The following CCDC7 variants were observed in gnomAD, a reference collection of about 807,000 sequenced individuals.
CCDC7 encodes coiled-coil domain-containing protein 7.
In CCDC7, 183 loss-of-function variants were observed where a neutral mutation model predicts 196.9. The observed-to-expected ratio is 0.93, with a 90% CI of 0.82 to 1.05. The LOEUF is 1.05. Among genes scored for constraint, CCDC7 ranks in the 50% least tolerant of loss-of-function variants. The probability of loss-of-function intolerance (pLI) is 0.00; values close to 1 mark genes in which losing one functional copy is unlikely to be tolerated. For missense variants in CCDC7, 1,540 were observed against 1,482.2 expected, an observed-to-expected ratio of 1.04 and a Z score of -0.64; for synonymous variants, 525 against 484.6, an observed-to-expected ratio of 1.08 and a Z score of -1.10.
Position 32,672,427 on chromosome 10 carries a change from T to C in CCDC7, c.2122+8266T>C, listed in dbSNP as rs147749477. Among the ~76,000 whole-genome samples, 132 of 152,226 alleles carry C rather than the reference T, an allele frequency of 8.7e-4. 1 individual carries two copies. Among genetic ancestry groups the C allele is most frequent in the African/African-American group, 2.9e-3 (120 of 41,552 alleles). Reference sequence around the variant, plus strand: ...GTCTGAGGTGTGGGTGGGTTCAATGTAGACACAAAACCCAGGTCTGGAATG... The same window carrying C: ...GTCTGAGGTGTGGGTGGGTTCAATGCAGACACAAAACCCAGGTCTGGAATG... On this transcript the variant is annotated intron_variant, in intron 21 of 41. Coordinates refer to ENST00000639629, the Ensembl canonical transcript of CCDC7.
intron 1 of CCDC7, among the ~76,000 whole-genome samples, chr10:32,453,079 C>T (rs969218622): frequency 2.0e-4 from 30 of 152,078 alleles, no homozygotes; most frequent in East Asian, 9.6e-4. Flanking sequence ...CAGGCCCTCT[C>T]CGTTTTAAGA....
chr10:32,570,987 C>CACTTTTA (rs1437164104), intron 15 of CCDC7, among the ~76,000 whole-genome samples: 1 of 146,606 alleles, frequency 6.8e-6, no homozygotes, highest in Admixed American at 7.1e-5. Context: ...ATAAAAATCA[C>CACTTTTA]ACTTTTAAGG....
chr10:32,718,341 C>G (rs938708670), intron 25 of CCDC7, among the ~76,000 whole-genome samples: 2 of 151,782 alleles, frequency 1.3e-5, no homozygotes, highest in African/African-American at 4.8e-5. Flanking sequence ...GGTAAAAACA[C>G]TCAATAAACT....
chr10:32,544,260 GAA>G lies in CCDC7; in HGVS notation c.1097_1098del (p.Lys366ArgfsTer3). ...TTTATGTTACAGGAAGATGTCTCCA[GAA>G]AAAGAGTTTAAAATAAAAGAAGATT... On this transcript the variant is annotated frameshift_variant, in exon 13 of 42. Transcript: ENST00000639629. LOFTEE classifies it high-confidence loss of function. The G allele has an allele frequency of 6.2e-7, 1 of 1,606,242 alleles. No individual in the cohort carries two copies. Among genetic ancestry groups the G allele is most frequent in the Non-Finnish European group, 8.5e-7 (1 of 1,176,056 alleles).
chr10:32,791,592 A>G (rs181500502), intron 29 of CCDC7, among the ~76,000 whole-genome samples: 8 of 151,690 alleles, frequency 5.3e-5, no homozygotes, highest in African/African-American at 1.9e-4. Flanking sequence ...AAAAACTGCA[A>G]TTGAGAGCTT....
intron 20 of CCDC7, among the ~76,000 whole-genome samples, chr10:32,639,199 A>AT (rs1160817111): frequency 5.3e-5 from 8 of 151,982 alleles, no homozygotes; most frequent in African/African-American, 1.2e-4. Context: ...GGATTCATTG[A>AT]TTTTTTTGAA....
At position 32,710,122 on chromosome 10, in the gene CCDC7, C is replaced by G. The variant is rs1335065; in HGVS notation, c.2459-1498C>G. ...GAGCAAAACCTATTCTGTCATGACA[C>G]TCTAAAGGAGGGGTTTTATAGTGAC... On this transcript the variant is annotated intron_variant, in intron 24 of 41. Transcript: ENST00000639629. 3.5e-3 allele frequency among the ~76,000 whole-genome samples: 528 copies of G among 152,286 alleles called. 5 individuals carry two copies. The highest frequency in any genetic ancestry group is 6.4e-3 in the Non-Finnish European group (435 of 68,020).
intron 28 of CCDC7, among the ~76,000 whole-genome samples, chr10:32,774,421 C>T (rs1049422940): frequency 3.9e-5 from 6 of 152,090 alleles, no homozygotes; most frequent in Non-Finnish European, 8.8e-5. Flanking sequence ...GAACATTCAC[C>T]TCCAATTTCC....
At chr10:32,595,640 G>A (rs1476855693) in intron 18 of CCDC7, among the ~76,000 whole-genome samples, 1 of 152,160 alleles carries the variant, frequency 6.6e-6, no homozygotes, top group Non-Finnish European at 1.5e-5. Flanking sequence ...ATGTTAGGGT[G>A]TCCATTTTAG....
chr10:32,682,590 G>A (rs1441062602), intron 21 of CCDC7, among the ~76,000 whole-genome samples: 1 of 152,152 alleles, frequency 6.6e-6, no homozygotes, highest in African/African-American at 2.4e-5. Context: ...CACAGTGGCT[G>A]AACTTATTTA....
chr10:32,566,299 A>T (rs2056777875), intron 14 of CCDC7, among the ~76,000 whole-genome samples: 1 of 152,186 alleles, frequency 6.6e-6, no homozygotes. Flanking sequence ...CAGAAAAGAC[A>T]TAGCAAAATT....
intron 7 of CCDC7, 50 bp downstream of exon 8, chr10:32,472,592 T>G: frequency 7.0e-7 from 1 of 1,433,170 alleles, no homozygotes; most frequent in Non-Finnish European, 9.2e-7. Context: ...TTAAAAATTT[T>G]GTTATTATTT....
intron 28 of CCDC7, among the ~76,000 whole-genome samples, chr10:32,744,238 G>A (rs2074317115): frequency 6.6e-6 from 1 of 151,928 alleles, no homozygotes; most frequent in South Asian, 2.1e-4. Flanking sequence ...AATGTTCAAA[G>A]CCTATACTGT....
At chr10:32,771,571 C>T (rs768073058) in intron 28 of CCDC7, among the ~76,000 whole-genome samples, 2 of 152,134 alleles carry the variant, frequency 1.3e-5, no homozygotes, top group Non-Finnish European at 2.9e-5. Flanking sequence ...CTTCTAACTG[C>T]CCAGTGAAGT....
rs183854354 is a variant in CCDC7, at chr10:32,821,450, T to C, written c.3182-3068T>C. The stretch of plus-strand genomic sequence containing the variant: ...CTAGAAGTACCATTTGACCCAGCCA[T>C]CCCATTACTGGGTATATACCCAAAG... On this transcript the variant is annotated intron_variant, in intron 31 of 41. Transcript: ENST00000639629. Among the ~76,000 whole-genome samples, 561 of 152,280 alleles carry C rather than the reference T, an allele frequency of 3.7e-3. 3 individuals carry two copies. Among genetic ancestry groups the C allele is most frequent in the African/African-American group, 0.013 (521 of 41,550 alleles).
intron 20 of CCDC7, among the ~76,000 whole-genome samples, chr10:32,644,693 A>T (rs1243077213): frequency 6.6e-6 from 1 of 152,124 alleles, no homozygotes; most frequent in Non-Finnish European, 1.5e-5. Context: ...AAGTCTCATG[A>T]GCTCTGATGG....
intron 25 of CCDC7, among the ~76,000 whole-genome samples, chr10:32,723,622 C>G (rs1379659937): frequency 6.6e-6 from 1 of 152,008 alleles, no homozygotes; most frequent in Non-Finnish European, 1.5e-5. Flanking sequence ...CATCCCAGTC[C>G]TCTCTTCCTC....
intron 24 of CCDC7, among the ~76,000 whole-genome samples, chr10:32,709,566 A>G (rs1258708938): frequency 5.3e-5 from 8 of 152,180 alleles, no homozygotes; most frequent in Admixed American, 5.2e-4. Context: ...ATGGAAATCT[A>G]ATGCCACTGG....
chr10:32,550,979 ATTC>A (rs1368841297), intron 13 of CCDC7, among the ~76,000 whole-genome samples: 2 of 152,084 alleles, frequency 1.3e-5, no homozygotes, highest in Non-Finnish European at 2.9e-5. Flanking sequence ...ATTGGTACCA[ATTC>A]TTCTTTGAAC....
Sources: gnomAD v4.1 joint callset for allele counts (sites outside exome capture counted in the v4.1 genomes callset) on GRCh38, gnomAD v4.1.1 for gene constraint, MANE v1.5 for transcripts, NCBI Gene and HGNC (gene_info 2026-07-23, HGNC 2026-07-21) for gene names.